SPIDR: variants seen among roughly 807,000 people sequenced by gnomAD.
SPIDR encodes DNA repair-scaffolding protein.
A neutral mutation model predicts 104.6 loss-of-function variants in SPIDR; 93 were observed. That is an observed-to-expected ratio of 0.89 (90% CI 0.75 to 1.06). The LOEUF is 1.06. SPIDR is among the 50% of genes least tolerant of loss of function. The pLI is 0.00. For synonymous variants in SPIDR, 431 were observed against 416.9 expected, an observed-to-expected ratio of 1.03 and a Z score of -0.41; for missense variants, 1,154 against 1,111.2, an observed-to-expected ratio of 1.04 and a Z score of -0.55.
In SPIDR at chr8:47,538,824, G is replaced by A. The variant is rs115391819; in HGVS notation, c.1098-56987G>A. Among the ~76,000 whole-genome samples, 742 of 150,252 alleles carry A rather than the reference G, an allele frequency of 4.9e-3. 6 individuals carry two copies. The highest frequency in any genetic ancestry group is 0.017 in the African/African-American group (704 of 40,998). On this transcript the variant is annotated intron_variant, in intron 8 of 19. Coordinates refer to ENST00000297423, the MANE Select transcript of SPIDR (RefSeq NM_001080394.4). ...ATAAGGGCAAGAAATGATTATTGTG[G>A]GATATTTGTTTTGGTTTTGCCTTTT...
chr8:47,607,151 C>T (rs1223391220), intron 10 of SPIDR, among the ~76,000 whole-genome samples: 1 of 152,098 alleles, frequency 6.6e-6, no homozygotes, highest in Non-Finnish European at 1.5e-5. Flanking sequence ...TGGAATTGTT[C>T]CTTTTCAATG....
intron 8 of SPIDR, among the ~76,000 whole-genome samples, chr8:47,558,632 C>CT (rs112873575): frequency 0.99 from 147,383 of 149,548 alleles, 72,624 homozygotes; most frequent in East Asian, 1. Context: ...CTAGCTTCAC[C>CT]TTTTTTTTTG....
At chr8:47,454,964 T>C (rs547302433) in intron 8 of SPIDR, among the ~76,000 whole-genome samples, 2 of 152,246 alleles carry the variant, frequency 1.3e-5, no homozygotes, top group East Asian at 3.9e-4. Context: ...AGTTCATTAC[T>C]GATAGACAAA....
intron 10 of SPIDR, among the ~76,000 whole-genome samples, chr8:47,619,463 A>G (rs2064821413): frequency 6.6e-6 from 1 of 152,108 alleles, no homozygotes; most frequent in Non-Finnish European, 1.5e-5. Context: ...TCCCTTTCCT[A>G]GAAGGCTCTC....
intron 5 of SPIDR, chr8:47,361,081 T>G (rs2055804072): frequency 2.7e-6 from 2 of 740,468 alleles, no homozygotes; most frequent in African/African-American, 3.8e-5. Context: ...CCACAGTTAC[T>G]TAAAAGAAGG....
At chr8:47,722,702 C>T (rs2083573261) in intron 16 of SPIDR, among the ~76,000 whole-genome samples, 1 of 152,120 alleles carries the variant, frequency 6.6e-6, no homozygotes. Context: ...AGATGAAAAT[C>T]ATTCTATACA....
At chr8:47,728,729 A>G (rs1039019817) in intron 17 of SPIDR, 36 of 513,510 alleles carry the variant, frequency 7.0e-5, no homozygotes, top group Non-Finnish European at 8.1e-5. Context: ...AGCCAGTGCT[A>G]CTCGTGCTAC....
intron 10 of SPIDR, among the ~76,000 whole-genome samples, chr8:47,650,479 C>T (rs941561876): frequency 6.6e-6 from 1 of 152,092 alleles, no homozygotes; most frequent in Non-Finnish European, 1.5e-5. Flanking sequence ...AAGCACGTCT[C>T]GTCTCATCTC....
chr8:47,534,669 A>G (rs2086607000), intron 8 of SPIDR, among the ~76,000 whole-genome samples: 1 of 152,118 alleles, frequency 6.6e-6, no homozygotes. Flanking sequence ...AGAAAAGATA[A>G]CTGTTGGGTA....
intron 5 of SPIDR, among the ~76,000 whole-genome samples, chr8:47,301,330 A>G (rs1554577227): frequency 2.0e-4 from 30 of 151,996 alleles, no homozygotes; most frequent in African/African-American, 7.0e-4. Flanking sequence ...TTTTGAGCCT[A>G]TGTGTGTCTC....
intron 8 of SPIDR, among the ~76,000 whole-genome samples, chr8:47,449,681 A>G (rs530417053): frequency 9.0e-4 from 137 of 152,350 alleles, no homozygotes; most frequent in Middle Eastern, 3.4e-3. Context: ...AAATTAATGC[A>G]GTATGAAAAG....
At chr8:47,344,266 C>T (rs546204741) in intron 5 of SPIDR, among the ~76,000 whole-genome samples, 1 of 152,084 alleles carries the variant, frequency 6.6e-6, no homozygotes, top group Admixed American at 6.6e-5. Context: ...ATGGTTTCCA[C>T]CTTCATCCAT....
rs764924810 is a variant in SPIDR at position 47,701,795 on chromosome 8, A to G, written c.1848A>G (p.Ile616Met). ...TAHPNLGQIDIIDEDPIYKLY... is the reference protein window; with the variant it reads ...TAHPNLGQIDMIDEDPIYKLY... ...ATCCAAATCTGGGACAAATTGATATAATTGACGAAGACCCCATTTATAAGC... is the reference window on the plus strand; with the variant it reads ...ATCCAAATCTGGGACAAATTGATATGATTGACGAAGACCCCATTTATAAGC... The change falls in exon 13 of 20, where the codon ATA becomes ATG. Residue 616 changes from isoleucine to methionine, a missense_variant. By Grantham distance (10) the Ile-to-Met change is conservative. Coordinates refer to ENST00000297423, the MANE Select transcript of SPIDR (RefSeq NM_001080394.4). 7 of 1,614,132 alleles carry G rather than the reference A, an allele frequency of 4.3e-6. No individual in the cohort carries two copies. Among genetic ancestry groups the G allele is most frequent in the Non-Finnish European group, 5.1e-6 (6 of 1,180,024 alleles).
At chr8:47,559,084 G>A (rs1206688537) in intron 8 of SPIDR, among the ~76,000 whole-genome samples, 3 of 152,142 alleles carry the variant, frequency 2.0e-5, no homozygotes, top group African/African-American at 4.8e-5. Flanking sequence ...TTTAGTCTTC[G>A]AAGAATGTTT....
intron 1 of SPIDR, among the ~76,000 whole-genome samples, chr8:47,269,492 A>G (rs937471380): frequency 6.0e-5 from 9 of 150,830 alleles, no homozygotes; most frequent in African/African-American, 1.9e-4. Context: ...TCCTGACCTC[A>G]TGATCCGCCC....
chr8:47,417,841 T>A (rs1243171659), intron 7 of SPIDR, among the ~76,000 whole-genome samples: 1 of 152,214 alleles, frequency 6.6e-6, no homozygotes, highest in African/African-American at 2.4e-5. Flanking sequence ...TTTCTACATA[T>A]GGCTAGCCAG....
At chr8:47,698,437 C>A (rs2079659260) in intron 11 of SPIDR, among the ~76,000 whole-genome samples, 2 of 152,156 alleles carry the variant, frequency 1.3e-5, no homozygotes, top group African/African-American at 4.8e-5. Context: ...CTTCACAAGG[C>A]AACAGTGGCC....
chr8:47,483,047 G>C (rs1554728299), intron 8 of SPIDR, among the ~76,000 whole-genome samples: 1 of 152,208 alleles, frequency 6.6e-6, no homozygotes, highest in East Asian at 1.9e-4. Context: ...AGAGTCAGGG[G>C]ACAGGTCTGG....
intron 11 of SPIDR, among the ~76,000 whole-genome samples, chr8:47,694,810 A>G (rs1160730833): frequency 6.6e-6 from 1 of 151,962 alleles, no homozygotes; most frequent in Non-Finnish European, 1.5e-5. Flanking sequence ...GGGCCCAAAG[A>G]GGTTTTTTTA....
Sources: allele counts gnomAD v4.1 joint callset (sites outside exome capture counted in the v4.1 genomes callset), GRCh38; gene constraint gnomAD v4.1.1; transcripts MANE v1.5; gene names NCBI Gene and HGNC (gene_info 2026-07-23, HGNC 2026-07-21).